Variants in TMOD1 observed in about 807,000 individuals in gnomAD.
The protein encoded by TMOD1 is tropomodulin 1, also known as tropomodulin-1.
Under a neutral mutation model 40.6 loss-of-function variants are expected in TMOD1, and 17 were observed. The observed-to-expected ratio is 0.42, with a 90% CI of 0.29 to 0.63. The LOEUF is 0.63. Ranked by LOEUF, TMOD1 falls within the 20% of genes least tolerant of loss-of-function variation. The pLI is 0.22. For missense variants in TMOD1, 391 were observed against 447.6 expected (o/e 0.87, Z 1.14); for synonymous variants, 181 against 175.0 (o/e 1.03, Z -0.27).
chr9:97,568,719 T>C (rs998511462), intron 7 of TMOD1, among the ~76,000 whole-genome samples, 175 bp from the exon 8 acceptor site: 2 of 152,082 alleles, frequency 1.3e-5, no homozygotes, highest in Admixed American at 6.5e-5. Flanking sequence ...CTGTGGGGGA[T>C]CAGGAGCCAT....
intron 8 of TMOD1, among the ~76,000 whole-genome samples, chr9:97,576,682 G>A (rs1317837264): frequency 6.6e-6 from 1 of 151,158 alleles, no homozygotes; most frequent in African/African-American, 2.4e-5. Flanking sequence ...TGCCCAGGCT[G>A]GAGTGCAGTG....
chr9:97,550,396 G>A (rs1830431431), intron 3 of TMOD1, among the ~76,000 whole-genome samples: 1 of 152,180 alleles, frequency 6.6e-6, no homozygotes, highest in African/African-American at 2.4e-5. Context: ...CCTATGGGTG[G>A]AATTGATGAA....
chr9:97,523,918 A>G (rs1401571042), intron 1 of TMOD1, among the ~76,000 whole-genome samples: 2 of 152,254 alleles, frequency 1.3e-5, no homozygotes, highest in Non-Finnish European at 2.9e-5. Flanking sequence ...GTCCATGCCA[A>G]TTCTAACCAA....
rs374061262 is a variant in TMOD1 at position 97,562,262 on chromosome 9, C to T, written c.398-470C>T. On this transcript the variant is annotated intron_variant, in intron 4 of 9. Coordinates refer to ENST00000259365, the MANE Select transcript of TMOD1 (RefSeq NM_003275.4). The stretch of plus-strand genomic sequence containing the variant: ...GACACCCGTGATGACACAGCTGTGA[C>T]AATACAGCCAAAGAATGATCAGGCC... Among the ~76,000 whole-genome samples, 49 of 152,242 alleles carry T rather than the reference C, an allele frequency of 3.2e-4. No homozygotes were observed. In the East Asian group the frequency reaches 6.6e-3, roughly 20 times the overall value.
chr9:97,566,302 C>G (rs1024485858), intron 7 of TMOD1, among the ~76,000 whole-genome samples: 7 of 152,304 alleles, frequency 4.6e-5, no homozygotes, highest in African/African-American at 1.2e-4. Flanking sequence ...CACGTGACCC[C>G]TAAATCTTCA....
chr9:97,572,185 C>T (rs1369320855), intron 8 of TMOD1, among the ~76,000 whole-genome samples: 1 of 152,124 alleles, frequency 6.6e-6, no homozygotes, highest in Non-Finnish European at 1.5e-5. Flanking sequence ...TGAAAAGTAT[C>T]TCAGGTGACA....
intron 1 of TMOD1, among the ~76,000 whole-genome samples, chr9:97,518,781 G>A (rs1207957717): frequency 6.6e-6 from 1 of 152,192 alleles, no homozygotes; most frequent in African/African-American, 2.4e-5. Flanking sequence ...CTGCAGCCGA[G>A]GGAAGAGAGA....
chr9:97,559,847 C>A (rs7022338), intron 4 of TMOD1, among the ~76,000 whole-genome samples: 24,402 of 99,786 alleles, frequency 0.24, 3,754 homozygotes, highest in African/African-American at 0.35. Flanking sequence ...ATCTATCTAT[C>A]TATCTCCAGA....
rs58522887 is a variant in TMOD1, at chr9:97,559,772, T to TAAAA, written c.398-2940_398-2937dup. Among the ~76,000 whole-genome samples the TAAAA allele has an allele frequency of 3.7e-3, 136 of 36,764 alleles. 1 individual carries two copies. The highest frequency in any genetic ancestry group is 9.7e-3 in the East Asian group (6 of 620). 24.1% of individuals were successfully genotyped at this position (36,764 alleles called of 152,430 possible). ...AGAGCGAGACTCCGCCTCAAAAATT[T>TAAAA]AAAAAAAAAAAAAAAAAAAAAAATA... On this transcript the variant is annotated intron_variant, in intron 4 of 9. Coordinates refer to ENST00000259365, the MANE Select transcript of TMOD1 (RefSeq NM_003275.4).
intron 1 of TMOD1, among the ~76,000 whole-genome samples, chr9:97,509,386 G>C (rs1564226421): frequency 6.6e-6 from 1 of 152,128 alleles, no homozygotes; most frequent in African/African-American, 2.4e-5. Context: ...GCCAACAGTA[G>C]CCTCAAGGAT....
At chr9:97,552,759 T>C (rs1830473499) in intron 3 of TMOD1, among the ~76,000 whole-genome samples, 1 of 152,198 alleles carries the variant, frequency 6.6e-6, no homozygotes, top group African/African-American at 2.4e-5. Context: ...CCAGTTCCTA[T>C]GGGTGGGCAT....
Position 97,601,386 on chromosome 9 carries a change from A to G in TMOD1, c.*1688A>G, listed in dbSNP as rs901176916. 9.5e-7 allele frequency: 1 copy of G among 1,051,332 alleles called. No homozygotes were observed. Among genetic ancestry groups the G allele is most frequent in the African/African-American group, 1.7e-5 (1 of 58,454 alleles). 65.1% of individuals were successfully genotyped at this position (1,051,332 alleles called of 1,614,324 possible). A position where few individuals can be genotyped will look rare whatever the true frequency, so the allele number is the denominator to read the frequency against. ...AATGTGTCATGTATTCCAGGTGCTG[A>G]TCTAAAAACTGTGGCTCAAATGTCA... On this transcript the variant is annotated 3_prime_UTR_variant, in exon 10 of 10. Transcript: ENST00000259365.
chr9:97,538,972 T>G (rs1156620710), intron 2 of TMOD1, among the ~76,000 whole-genome samples: 3 of 152,028 alleles, frequency 2.0e-5, no homozygotes, highest in Non-Finnish European at 4.4e-5. Flanking sequence ...ACCACTGCAC[T>G]CCAGCCTGGC....
chr9:97,585,046 G>T (rs1321913880), intron 8 of TMOD1, among the ~76,000 whole-genome samples: 34 of 152,136 alleles, frequency 2.2e-4, no homozygotes, highest in Middle Eastern at 6.8e-3. Flanking sequence ...ATCCTGTCAT[G>T]ATGATGTTAG....
At chr9:97,537,157 A>C (rs901531628) in intron 2 of TMOD1, among the ~76,000 whole-genome samples, 22 of 152,250 alleles carry the variant, frequency 1.4e-4, no homozygotes, top group Non-Finnish European at 4.4e-5. Context: ...TGGAAAATGA[A>C]AAAAATCATT....
chr9:97,516,588 G>C (rs1430733307), intron 1 of TMOD1: 1 of 152,510 alleles, frequency 6.6e-6, no homozygotes, highest in Non-Finnish European at 1.5e-5. Context: ...GCTGAGTTGA[G>C]TGAGGATAGG....
chr9:97,550,682 G>A (rs953491627), intron 3 of TMOD1, among the ~76,000 whole-genome samples: 1 of 152,114 alleles, frequency 6.6e-6, no homozygotes, highest in African/African-American at 2.4e-5. Context: ...TTGGAGAAAT[G>A]TTTATTCAAG....
intron 8 of TMOD1, among the ~76,000 whole-genome samples, chr9:97,580,033 A>T (rs1825709228): frequency 6.6e-6 from 1 of 152,110 alleles, no homozygotes; most frequent in Non-Finnish European, 1.5e-5. Context: ...GTAAGGAAGG[A>T]GAGAGAGAAG....
chr9:97,583,190 A>G (rs1450201874), intron 8 of TMOD1, among the ~76,000 whole-genome samples: 2 of 149,986 alleles, frequency 1.3e-5, no homozygotes, highest in East Asian at 3.9e-4. Flanking sequence ...TACCTAATTT[A>G]TTGAGAGTTT....
Sources: allele counts gnomAD v4.1 joint callset (sites outside exome capture counted in the v4.1 genomes callset), GRCh38; gene constraint gnomAD v4.1.1; transcripts MANE v1.5; gene names NCBI Gene and HGNC (gene_info 2026-07-23, HGNC 2026-07-21).